The following FANCC variants were observed in gnomAD, a reference collection of about 807,000 sequenced individuals.
FANCC encodes the protein FA complementation group C, also known as Fanconi anemia group C protein.
FANCC carries 55 observed loss-of-function variants against 71.3 expected under a neutral mutation model. The ratio of observed to expected loss-of-function variants is 0.77; its 90% CI spans 0.62 to 0.97. The LOEUF is 0.97. FANCC is among the 50% of genes least tolerant of loss of function. The pLI is 0.00. For synonymous variants in FANCC, 275 were observed against 244.9 expected (o/e 1.12, Z -1.15); for missense variants, 678 against 670.9 (o/e 1.01, Z -0.12).
chr9:95,272,032 G>A (rs570582178), intron 1 of FANCC, among the ~76,000 whole-genome samples: 4 of 142,160 alleles, frequency 2.8e-5, no homozygotes, highest in Admixed American at 7.6e-5. Flanking sequence ...AACCTCCCGG[G>A]TTCACGCCAT....
chr9:95,193,282 A>C (rs539812861), intron 4 of FANCC, among the ~76,000 whole-genome samples: 1 of 152,196 alleles, frequency 6.6e-6, no homozygotes, highest in Non-Finnish European at 1.5e-5. Context: ...AAGAGCATGC[A>C]AACAGCTTGT....
intron 4 of FANCC, among the ~76,000 whole-genome samples, chr9:95,200,731 T>C (rs187657431): frequency 1.8e-3 from 271 of 152,332 alleles, no homozygotes; most frequent in Non-Finnish European, 3.2e-3. Context: ...ATCTAAAGTA[T>C]TAATGTAATT....
chr9:95,261,313 T>C (rs1564806783), intron 1 of FANCC, among the ~76,000 whole-genome samples: 1 of 152,340 alleles, frequency 6.6e-6, no homozygotes, highest in African/African-American at 2.4e-5. Context: ...TTTTGCTCAA[T>C]ACCAAAATCC....
rs570144103 is a variant in FANCC at position 95,256,300 on chromosome 9, G to A, written c.-78-6931C>T. ...TTAAGGGCAGTCAGAGAGAAAGGTC[G>A]GGTTACCCACAAAGGGAAGTCCATC... On this transcript the variant is annotated intron_variant, in intron 1 of 14. Transcript: ENST00000289081. Among the ~76,000 whole-genome samples, 21 of 152,278 alleles carry A rather than the reference G, an allele frequency of 1.4e-4. 1 individual carries two copies. In the South Asian group the frequency reaches 2.3e-3, roughly 17 times the overall value.
intron 1 of FANCC, among the ~76,000 whole-genome samples, chr9:95,269,012 T>C (rs1832567155): frequency 6.6e-6 from 1 of 152,228 alleles, no homozygotes; most frequent in African/African-American, 2.4e-5. Context: ...CAGTAAAATA[T>C]GACTGTGGAG....
chr9:95,196,722 T>G (rs549752961), intron 4 of FANCC, among the ~76,000 whole-genome samples: 12 of 152,336 alleles, frequency 7.9e-5, no homozygotes, highest in African/African-American at 2.9e-4. Context: ...AGGGCCTGTC[T>G]GCTTCGGTTC....
At chr9:95,176,289 T>C (rs1251523656) in intron 4 of FANCC, among the ~76,000 whole-genome samples, 1 of 152,220 alleles carries the variant, frequency 6.6e-6, no homozygotes, top group African/African-American at 2.4e-5. Flanking sequence ...CAAATCTGAA[T>C]GCTCTCAGTC....
chr9:95,291,967 AATATATATAT>A (rs34066396), intron 1 of FANCC, among the ~76,000 whole-genome samples: 2 of 50,430 alleles, frequency 4.0e-5, no homozygotes, highest in East Asian at 1.5e-3. Context: ...AAAAAAAAAA[AATATATATAT>A]ATATATATAT....
At chr9:95,260,684 T>TAAAAAAA (rs542398381) in intron 1 of FANCC, among the ~76,000 whole-genome samples, 9 of 130,206 alleles carry the variant, frequency 6.9e-5, no homozygotes, top group African/African-American at 8.6e-5. Context: ...GAACTTAAAA[T>TAAAAAAA]ATAAAAAAAA....
rs76697649 is a variant in FANCC at position 95,261,278 on chromosome 9, T to A, written c.-78-11909A>T. Among the ~76,000 whole-genome samples, 506 of 152,336 alleles carry A rather than the reference T, an allele frequency of 3.3e-3. 9 individuals are homozygous for A. The East Asian group carries it at 0.044, about 13-fold the overall frequency. ...TATCGCAGGTAATCTACAAACCTATTAGACAATTGACAGCTGACTATATTT... is the reference window on the plus strand; with the variant it reads ...TATCGCAGGTAATCTACAAACCTATAAGACAATTGACAGCTGACTATATTT... On this transcript the variant is annotated intron_variant, in intron 1 of 14. Transcript: ENST00000289081.
rs1441757988 is a variant in FANCC, at chr9:95,291,967, A to AAAAAT, written c.-79+25558_-79+25559insATTTT. On this transcript the variant is annotated intron_variant, in intron 1 of 14. Coordinates refer to ENST00000289081, the MANE Select transcript of FANCC (RefSeq NM_000136.3). ...TGTCTCAAAAAAAAAAAAAAAAAAA[A>AAAAAT]ATATATATATATATATATATATATA... is the stretch of plus-strand genomic sequence containing the variant. Among the ~76,000 whole-genome samples, 79 of 50,408 alleles carry AAAAAT rather than the reference A, an allele frequency of 1.6e-3. 1 individual carries two copies. Among genetic ancestry groups the AAAAAT allele is most frequent in the Middle Eastern group, 0.016 (1 of 64 alleles). The allele number at this position is 50,408 out of a possible 152,430, so 33.1% of individuals were successfully genotyped here.
intron 14 of FANCC, 68 bp downstream of exon 14, chr9:95,106,998 G>T: frequency 1.3e-6 from 2 of 1,505,702 alleles, no homozygotes; most frequent in Middle Eastern, 1.7e-4. Context: ...CAGACCCTCG[G>T]ACAGGTAACC....
At chr9:95,289,970 A>T (rs559586836) in intron 1 of FANCC, among the ~76,000 whole-genome samples, 1 of 152,186 alleles carries the variant, frequency 6.6e-6, no homozygotes, top group Non-Finnish European at 1.5e-5. Flanking sequence ...CACGTTTTAG[A>T]ATAGAAATCA....
intron 13 of FANCC, chr9:95,111,236 G>GA: frequency 6.5e-7 from 1 of 1,537,756 alleles, no homozygotes; most frequent in Non-Finnish European, 8.7e-7. Context: ...TTTTGCAGGA[G>GA]AATGGGCTGG....
chr9:95,303,855 T>G (rs1478580655), intron 1 of FANCC, among the ~76,000 whole-genome samples: 1 of 152,176 alleles, frequency 6.6e-6, no homozygotes, highest in Non-Finnish European at 1.5e-5. Context: ...TACTCTTCCT[T>G]AATTAGCTTT....
chr9:95,246,265 G>A (rs993128657), intron 3 of FANCC, among the ~76,000 whole-genome samples: 34 of 152,298 alleles, frequency 2.2e-4, no homozygotes, highest in East Asian at 3.9e-4. Flanking sequence ...AGGGACATAC[G>A]AGGGTGGGGT....
At chr9:95,130,140 G>A (rs1036342355) in intron 8 of FANCC, among the ~76,000 whole-genome samples, 7 of 152,094 alleles carry the variant, frequency 4.6e-5, no homozygotes, top group African/African-American at 1.2e-4. Context: ...TCTTGTGCCC[G>A]GTCCTTGATG....
At chr9:95,264,885 T>C (rs991868277) in intron 1 of FANCC, among the ~76,000 whole-genome samples, 22 of 152,272 alleles carry the variant, frequency 1.4e-4, no homozygotes, top group Middle Eastern at 3.4e-3. Context: ...TCTTCCTTGA[T>C]GAAAGCCTGA....
chr9:95,124,068 C>T (rs1046467116), intron 10 of FANCC, among the ~76,000 whole-genome samples: 2 of 135,834 alleles, frequency 1.5e-5, no homozygotes, highest in African/African-American at 5.6e-5. Flanking sequence ...CACATCACTG[C>T]ACTCCAGCCT....
Sources: allele counts gnomAD v4.1 joint callset (sites outside exome capture counted in the v4.1 genomes callset), GRCh38; gene constraint gnomAD v4.1.1; transcripts MANE v1.5; gene names NCBI Gene and HGNC (gene_info 2026-07-23, HGNC 2026-07-21).